The following NCOR1 variants were observed in gnomAD, a reference collection of about 807,000 sequenced individuals.
NCOR1 encodes the protein protein phosphatase 1, regulatory subunit 109.
NCOR1 carries 63 observed loss-of-function variants against 288.1 expected under a neutral mutation model. The observed-to-expected ratio is 0.22, with a 90% CI of 0.18 to 0.27. The LOEUF (loss-of-function observed/expected upper bound fraction) is 0.27, where lower values mean the gene tolerates loss of function less well. Ranked by LOEUF, NCOR1 falls within the 10% of genes least tolerant of loss-of-function variation. NCOR1 has a pLI of 1.00. For synonymous variants in NCOR1, 1,007 were observed against 1,065.9 expected (o/e 0.94, Z 1.08); for missense variants, 2,397 against 3,019.2 (o/e 0.79, Z 4.83).
rs986066280 is a variant in NCOR1 at position 16,030,770 on chromosome 17, A to T, written c.*1526T>A. ...ATTTAACTATATGGGCAAAGTACTAAACCTGTGTCTTCATCTGTAACATAG... is the reference window on the plus strand; with the variant it reads ...ATTTAACTATATGGGCAAAGTACTATACCTGTGTCTTCATCTGTAACATAG... On this transcript the variant is annotated 3_prime_UTR_variant, in exon 46 of 46. Coordinates refer to ENST00000268712, the MANE Select transcript of NCOR1 (RefSeq NM_006311.4). 1.1e-5 allele frequency: 2 copies of T among 180,644 alleles called. No individual in the cohort carries two copies. The highest frequency in any genetic ancestry group is 1.3e-4 in the Admixed American group (2 of 15,916). The allele number at this position is 180,644 out of a possible 1,614,324, so 11.2% of individuals were successfully genotyped here.
intron 44 of NCOR1, among the ~76,000 whole-genome samples, chr17:16,038,267 T>C (rs1417513633): frequency 6.6e-6 from 1 of 152,212 alleles, no homozygotes; most frequent in Non-Finnish European, 1.5e-5. Flanking sequence ...AGGATTATTA[T>C]GGTTTTTTTG....
At chr17:16,160,634 T>C (rs950471369) in intron 5 of NCOR1, among the ~76,000 whole-genome samples, 8 of 152,050 alleles carry the variant, frequency 5.3e-5, no homozygotes, top group Admixed American at 5.2e-4. Flanking sequence ...TTATTAAAGA[T>C]ACAAAAAATT....
intron 27 of NCOR1, 131 bp downstream of exon 27, chr17:16,075,403 A>G (rs2062316369): frequency 1.0e-5 from 10 of 995,940 alleles, no homozygotes; most frequent in Non-Finnish European, 1.2e-5. Flanking sequence ...TACTAACCCC[A>G]TTTACTGAGA....
intron 9 of NCOR1, among the ~76,000 whole-genome samples, chr17:16,148,370 G>C (rs957438824): frequency 2.6e-5 from 4 of 152,084 alleles, no homozygotes; most frequent in African/African-American, 9.7e-5. Context: ...GTCATCCGTA[G>C]TCCATGACCA....
intron 3 of NCOR1, among the ~76,000 whole-genome samples, chr17:16,175,996 C>A (rs1421664990): frequency 6.6e-6 from 1 of 152,064 alleles, no homozygotes; most frequent in Admixed American, 6.5e-5. Flanking sequence ...GTGGGTGGAT[C>A]ACCTGAGGTC....
At chr17:16,097,203 G>T (rs1186615381) in intron 21 of NCOR1, among the ~76,000 whole-genome samples, 1 of 152,206 alleles carries the variant, frequency 6.6e-6, no homozygotes, top group African/African-American at 2.4e-5. Context: ...ATTGCCTCAG[G>T]ATAAGGGCTG....
At chr17:16,156,063 C>A (rs1044869276) in intron 6 of NCOR1, among the ~76,000 whole-genome samples, 1 of 152,098 alleles carries the variant, frequency 6.6e-6, no homozygotes, top group East Asian at 1.9e-4. Flanking sequence ...GAGACTGAGG[C>A]AGGAGGATCG....
intron 6 of NCOR1, among the ~76,000 whole-genome samples, chr17:16,157,191 A>G (rs2079953759): frequency 6.6e-6 from 1 of 152,116 alleles, no homozygotes; most frequent in Non-Finnish European, 1.5e-5. Context: ...TTTCTTAAAC[A>G]AGGGAGCAAC....
At chr17:16,079,943 T>C (rs1405571933) in intron 26 of NCOR1, 21 bp downstream of exon 26, 1 of 1,575,680 alleles carries the variant, frequency 6.3e-7, no homozygotes, top group Non-Finnish European at 8.7e-7. Flanking sequence ...GTTGAGTATA[T>C]CAGAGATGAT....
At chr17:16,180,764 A>G (rs1472484874) in intron 3 of NCOR1, among the ~76,000 whole-genome samples, 3 of 151,918 alleles carry the variant, frequency 2.0e-5, no homozygotes, top group Non-Finnish European at 4.4e-5. Context: ...AAAGAATAAA[A>G]CAACAACCAG....
rs145274981 is a variant in NCOR1, at chr17:16,084,597, T to C, written c.3177+1685A>G. 2.8e-3 allele frequency among the ~76,000 whole-genome samples: 430 copies of C among 152,280 alleles called. 3 individuals are homozygous for C. Among genetic ancestry groups the C allele is most frequent in the African/African-American group, 9.6e-3 (397 of 41,538 alleles). On this transcript the variant is annotated intron_variant, in intron 23 of 45. Coordinates refer to ENST00000268712, the MANE Select transcript of NCOR1 (RefSeq NM_006311.4). ...AATAAAGCTACAGTAATCAAGACTG[T>C]GGTACTGACAAAACGATGAACAAGT... is the stretch of plus-strand genomic sequence containing the variant.
At chr17:16,199,212 A>AC (rs1555813691) in intron 1 of NCOR1, among the ~76,000 whole-genome samples, 4 of 109,592 alleles carry the variant, frequency 3.6e-5, no homozygotes, top group African/African-American at 7.3e-5. Context: ...AGGAAAAAAA[A>AC]AAAAACACAC....
At chr17:16,111,910 C>T (rs1429097510) in intron 18 of NCOR1, among the ~76,000 whole-genome samples, 1 of 152,106 alleles carries the variant, frequency 6.6e-6, no homozygotes, top group Non-Finnish European at 1.5e-5. Context: ...TGCACTGTCA[C>T]CCAGGCTGGA....
chr17:16,189,583 A>G (rs1007579688), intron 2 of NCOR1, among the ~76,000 whole-genome samples: 1 of 152,172 alleles, frequency 6.6e-6, no homozygotes, highest in African/African-American at 2.4e-5. Context: ...TGGGAGCTAC[A>G]GCAAAAAGTT....
chr17:16,144,214 AT>A (rs1204302951), intron 10 of NCOR1, among the ~76,000 whole-genome samples: 1 of 152,228 alleles, frequency 6.6e-6, no homozygotes, highest in African/African-American at 2.4e-5. Flanking sequence ...GAATTTCTTA[AT>A]TGGCCATCAG....
intron 29 of NCOR1, 47 bp downstream of exon 29, chr17:16,072,098 C>T: frequency 6.4e-6 from 9 of 1,395,784 alleles, no homozygotes; most frequent in Non-Finnish European, 8.0e-6. Flanking sequence ...ACTATTTTGC[C>T]AGGGAGGCAG....
chr17:16,085,359 C>T (rs62073618), intron 23 of NCOR1, among the ~76,000 whole-genome samples: 3 of 152,128 alleles, frequency 2.0e-5, no homozygotes, highest in African/African-American at 4.8e-5. Flanking sequence ...ATACACAAAC[C>T]TAGTAATTCC....
chr17:16,157,977 T>C (rs1599608983), intron 6 of NCOR1, among the ~76,000 whole-genome samples: 1 of 142,264 alleles, frequency 7.0e-6, no homozygotes, highest in Non-Finnish European at 1.5e-5. Flanking sequence ...TGAACTTTGA[T>C]TTTTTTTTTT....
chr17:16,193,634 A>G (rs1339422034), intron 2 of NCOR1, among the ~76,000 whole-genome samples: 2 of 152,174 alleles, frequency 1.3e-5, no homozygotes, highest in South Asian at 2.1e-4. Context: ...TCAACACCCA[A>G]TCATGACAGA....
Sources: gnomAD v4.1 joint callset for allele counts (sites outside exome capture counted in the v4.1 genomes callset) on GRCh38, gnomAD v4.1.1 for gene constraint, MANE v1.5 for transcripts, NCBI Gene and HGNC (gene_info 2026-07-23, HGNC 2026-07-21) for gene names.